The following NCF4 variants were observed in gnomAD, a reference collection of about 807,000 sequenced individuals.
NCF4 encodes the protein neutrophil cytosolic factor 4.
In NCF4, 30 loss-of-function variants were observed where a neutral mutation model predicts 41.7. The ratio of observed to expected loss-of-function variants is 0.72; its 90% CI spans 0.54 to 0.97. The LOEUF (loss-of-function observed/expected upper bound fraction) is 0.97, where lower values mean the gene tolerates loss of function less well. NCF4 is among the 50% of genes least tolerant of loss of function. The pLI is 0.00. For synonymous variants in NCF4, 195 were observed against 175.8 expected (o/e 1.11, Z -0.87); for missense variants, 432 against 460.9 (o/e 0.94, Z 0.57).
At chr22:36,877,543 C>T in intron 9 of NCF4, 85 bp from the exon 10 acceptor site, 1 of 1,420,900 alleles carries the variant, frequency 7.0e-7, no homozygotes, top group South Asian at 1.2e-5. Context: ...CTCCTGGCTT[C>T]AGGACATAAA....
intron 2 of NCF4, 108 bp from the exon 3 acceptor site, chr22:36,864,811 C>CT (rs1939883536): frequency 7.2e-7 from 1 of 1,396,462 alleles, no homozygotes; most frequent in Admixed American, 1.8e-5. Flanking sequence ...CTTCTGCATC[C>CT]TTATCCTCAT....
At chr22:36,868,328 C>G (rs1051977199) in intron 4 of NCF4, among the ~76,000 whole-genome samples, 1 of 152,254 alleles carries the variant, frequency 6.6e-6, no homozygotes, top group Admixed American at 6.5e-5. Flanking sequence ...CCCATCCTCT[C>G]TAGGCCTTGG....
chr22:36,867,110 C>CATGTGT (rs146306103), intron 3 of NCF4, among the ~76,000 whole-genome samples: 1 of 143,762 alleles, frequency 7.0e-6, no homozygotes, highest in Non-Finnish European at 1.5e-5. Context: ...AACTAAGAGT[C>CATGTGT]GTGTGTGTGT....
chr22:36,864,275 C>T, intron 2 of NCF4, 146 bp downstream of exon 2: 1 of 762,626 alleles, frequency 1.3e-6, no homozygotes, highest in Non-Finnish European at 2.3e-6. Context: ...CGATTTTGCC[C>T]ATTTGACATT....
At position 36,870,479 on chromosome 22, in the gene NCF4, C is replaced by T. The variant is rs749322339; in HGVS notation, c.407C>T (p.Ser136Leu). ...GACGTCCGGATCTTCTTTTACCAGT[C>T]GCCCTATGACTCAGAGCAGGTGCCC... Reference protein sequence around the residue: ...DEDVRIFFYQSPYDSEQVPQA... With the variant: ...DEDVRIFFYQLPYDSEQVPQA... The change falls in exon 5 of 10, where the codon TCG becomes TTG. Residue 136 changes from serine to leucine, a missense_variant. Physicochemically the swap from Ser to Leu is moderately radical, Grantham distance 145 (BLOSUM62 -2). Coordinates refer to ENST00000248899, the MANE Select transcript of NCF4 (RefSeq NM_000631.5). The T allele has an allele frequency of 1.9e-5, 30 of 1,613,802 alleles. No individual in the cohort carries two copies. The highest frequency in any genetic ancestry group is 1.6e-4 in the Middle Eastern group (1 of 6,084).
rs3221695 is a variant in NCF4, at chr22:36,867,110, C to CGTGTGTGT, written c.272-256_272-249dup. 0.083 allele frequency among the ~76,000 whole-genome samples: 11,990 copies of CGTGTGTGT among 143,710 alleles called. 578 individuals carry two copies. Among genetic ancestry groups the CGTGTGTGT allele is most frequent in the Non-Finnish European group, 0.092 (6,060 of 66,204 alleles). 94.3% of individuals were successfully genotyped at this position (143,710 alleles called of 152,430 possible). On this transcript the variant is annotated intron_variant, in intron 3 of 9. Transcript: ENST00000248899. ...ATCCTGCTCTCTTAGAACTAAGAGT[C>CGTGTGTGT]GTGTGTGTGTGTGTGTGTGTGTGTG...
At chr22:36,864,786 C>T in intron 2 of NCF4, 133 bp from the exon 3 acceptor site, 1 of 1,083,176 alleles carries the variant, frequency 9.2e-7, no homozygotes, top group Non-Finnish European at 1.4e-6. Flanking sequence ...ACAGGGGTCT[C>T]CTTCTCCAGA....
chr22:36,864,171 T>C, intron 2 of NCF4, 42 bp downstream of exon 2: 1 of 1,519,188 alleles, frequency 6.6e-7, no homozygotes, highest in Non-Finnish European at 9.1e-7. Flanking sequence ...ACCTCTGAAC[T>C]TCCACCCAGC....
chr22:36,863,402 C>G (rs941944027), intron 1 of NCF4, among the ~76,000 whole-genome samples: 7 of 151,560 alleles, frequency 4.6e-5, no homozygotes, highest in African/African-American at 1.5e-4. Flanking sequence ...CCCAGTGCTG[C>G]GCCTATGCCT....
chr22:36,867,931 C>G (rs1329333591), intron 4 of NCF4, among the ~76,000 whole-genome samples: 2 of 152,196 alleles, frequency 1.3e-5, no homozygotes, highest in Non-Finnish European at 2.9e-5. Flanking sequence ...AGTAGGCCTC[C>G]TCTGGGACAA....
intron 3 of NCF4, among the ~76,000 whole-genome samples, chr22:36,867,110 CGT>C (rs3221695): frequency 0.025 from 3,603 of 143,798 alleles, 83 homozygotes; most frequent in African/African-American, 0.061. Flanking sequence ...AACTAAGAGT[CGT>C]GTGTGTGTGT....
At chr22:36,869,469 G>A (rs150857178) in intron 4 of NCF4, among the ~76,000 whole-genome samples, 16 of 152,302 alleles carry the variant, frequency 1.1e-4, no homozygotes, top group Middle Eastern at 3.4e-3. Context: ...CTCCCAGGCT[G>A]TCCCCATATG....
chr22:36,869,662 C>T (rs771079211), intron 4 of NCF4, among the ~76,000 whole-genome samples: 2 of 152,124 alleles, frequency 1.3e-5, no homozygotes, highest in African/African-American at 2.4e-5. Flanking sequence ...ATGACCCCGC[C>T]AGGCTCTGGG....
At chr22:36,876,257 TAGAGATG>T (rs1289630631) in intron 9 of NCF4, among the ~76,000 whole-genome samples, 163 bp downstream of exon 9, 1 of 152,166 alleles carries the variant, frequency 6.6e-6, no homozygotes, top group African/African-American at 2.4e-5. Flanking sequence ...CTCCCCACTT[TAGAGATG>T]AGCGGGGAAG....
chr22:36,864,163 C>T (rs1569110317), intron 2 of NCF4, 34 bp downstream of exon 2: 18 of 1,545,472 alleles, frequency 1.2e-5, no homozygotes, highest in Non-Finnish European at 1.3e-5. Flanking sequence ...ACCCAACAAC[C>T]TCTGAACTTC....
At chr22:36,863,563 TGC>T (rs1939838654) in intron 1 of NCF4, among the ~76,000 whole-genome samples, 1 of 138,454 alleles carries the variant, frequency 7.2e-6, no homozygotes, top group South Asian at 2.4e-4. Context: ...TTCCACCTCC[TGC>T]TCTGTGCTCC....
At chr22:36,876,232 C>A (rs1940191444) in intron 9 of NCF4, 138 bp downstream of exon 9, 5 of 889,440 alleles carry the variant, frequency 5.6e-6, no homozygotes, top group Non-Finnish European at 8.3e-6. Context: ...CCCAGCCCTG[C>A]AGGTTAGGCA....
rs1181316793 is a variant in NCF4, at chr22:36,864,071, T to A, written c.59T>A (p.Val20Asp). 1 of 1,614,184 alleles carries A rather than the reference T, an allele frequency of 6.2e-7. No homozygotes were observed. Residue 20 changes from valine (V) to aspartate (D), a missense_variant, in exon 2 of 10, where the codon GTT (valine) becomes GAT (aspartate). By Grantham distance (152) the Val-to-Asp change is radical (BLOSUM62 -3). Coordinates refer to ENST00000248899, the MANE Select transcript of NCF4 (RefSeq NM_000631.5). ...GACTTTGAACAGCTTCCGGATGATG[T>A]TGCCATCTCGGCCAACATTGCTGAC... ...ESDFEQLPDDVAISANIADIE... is the reference protein window; with the variant it reads ...ESDFEQLPDDDAISANIADIE...
intron 7 of NCF4, among the ~76,000 whole-genome samples, chr22:36,873,135 T>TG (rs1294852051): frequency 1.5e-5 from 2 of 135,170 alleles, no homozygotes; most frequent in Non-Finnish European, 3.1e-5. Context: ...AGATTGGAGG[T>TG]AAGATTAGAG....
Sources: allele counts gnomAD v4.1 joint callset (sites outside exome capture counted in the v4.1 genomes callset), GRCh38; gene constraint gnomAD v4.1.1; transcripts MANE v1.5; gene names NCBI Gene and HGNC (gene_info 2026-07-23, HGNC 2026-07-21).